Variants in HEATR5B observed in about 807,000 individuals in gnomAD.
HEATR5B encodes the protein HEAT repeat-containing protein 5B.
HEATR5B carries 156 observed loss-of-function variants against 224.1 expected under a neutral mutation model. The ratio of observed to expected loss-of-function variants is 0.70; its 90% CI spans 0.61 to 0.80. The LOEUF (loss-of-function observed/expected upper bound fraction) is 0.80, where lower values mean the gene tolerates loss of function less well. Among genes scored for constraint, HEATR5B ranks in the 30% least tolerant of loss-of-function variants. HEATR5B has a pLI of 0.00. For synonymous variants in HEATR5B, 1,027 were observed against 893.0 expected (o/e 1.15, Z -2.68); for missense variants, 2,323 against 2,535.5 (o/e 0.92, Z 1.80).
At position 37,005,505 on chromosome 2, in the gene HEATR5B, G is replaced by T. The variant is rs1285753853; in HGVS notation, c.4905+127C>A. The T allele has an allele frequency of 1.7e-5, 14 of 815,436 alleles. 1 individual carries two copies. In the South Asian group the frequency reaches 2.3e-4, roughly 14 times the overall value. The allele number at this position is 815,436 out of a possible 1,614,324, so 50.5% of individuals were successfully genotyped here. A position where few individuals can be genotyped will look rare whatever the true frequency, so the allele number is the denominator to read the frequency against. On this transcript the variant is annotated intron_variant, in intron 30 of 35. Coordinates refer to ENST00000233099, the MANE Select transcript of HEATR5B (RefSeq NM_019024.3). Reference sequence around the variant, plus strand: ...AAAGTAACTGGGTGAATAAATACAGGGAGTCAGTGTATTCATATCATGTTA... The same window carrying T: ...AAAGTAACTGGGTGAATAAATACAGTGAGTCAGTGTATTCATATCATGTTA...
chr2:37,000,575 T>C lies in HEATR5B; in HGVS notation c.5545+11A>G, dbSNP rs757311681. 1 of 1,610,560 alleles carries C rather than the reference T, an allele frequency of 6.2e-7. No individual in the cohort carries two copies. Among genetic ancestry groups the C allele is most frequent in the Non-Finnish European group, 8.5e-7 (1 of 1,176,788 alleles). ...CCTAACTAACTAAAACGTTTAAAAC[T>C]GATAGGTTACCTGGTTGAGAATATT... On this transcript the variant is annotated intron_variant, in intron 33 of 35. Coordinates refer to ENST00000233099, the MANE Select transcript of HEATR5B (RefSeq NM_019024.3).
intron 18 of HEATR5B, among the ~76,000 whole-genome samples, chr2:37,045,124 C>T (rs1242562111): frequency 6.6e-6 from 1 of 152,106 alleles, no homozygotes; most frequent in Non-Finnish European, 1.5e-5. Flanking sequence ...CCTGTACTTC[C>T]TTGAAAATGT....
intron 19 of HEATR5B, 48 bp from the exon 20 acceptor site, chr2:37,040,566 G>T: frequency 7.2e-7 from 1 of 1,394,732 alleles, no homozygotes; most frequent in Non-Finnish European, 9.9e-7. Flanking sequence ...GAATTCGAAT[G>T]TACTGAATTG....
chr2:37,009,094 C>A (rs1039666805), intron 27 of HEATR5B, among the ~76,000 whole-genome samples: 1 of 151,360 alleles, frequency 6.6e-6, no homozygotes, highest in African/African-American at 2.4e-5. Context: ...CCTGTCTCTA[C>A]GAAAAATACA....
In HEATR5B at chr2:37,028,164, A is replaced by C. The variant is rs762243284; in HGVS notation, c.3612T>G (p.Thr1204=). 10 of 1,602,544 alleles carry C rather than the reference A, an allele frequency of 6.2e-6. No individual in the cohort carries two copies. The highest frequency in any genetic ancestry group is 8.5e-6 in the Non-Finnish European group (10 of 1,169,844). Residue 1204 remains threonine, a synonymous_variant, in exon 24 of 36, where the codon ACT becomes ACG. Transcript: ENST00000233099. ...CTTTTCCACTACTTAAGAGAGTTGC[A>C]GTACTCATATCTATAACAAGAATAA... ...DVLAASSDMS[T]ATLLSSGKDE...
chr2:37,028,206 C>A (rs1484845576), intron 23 of HEATR5B, 32 bp from the exon 24 acceptor site: 3 of 1,413,362 alleles, frequency 2.1e-6, no homozygotes, highest in South Asian at 1.5e-5. Context: ...TTGTAACAAT[C>A]TCACATAAGC....
At chr2:37,055,101 G>T in intron 16 of HEATR5B, 1 of 413,518 alleles carries the variant, frequency 2.4e-6, no homozygotes, top group East Asian at 8.5e-5. Flanking sequence ...ACTAAGAACA[G>T]CAGTAAATAT....
chr2:36,987,044 C>T (rs1292075199), intron 35 of HEATR5B, among the ~76,000 whole-genome samples: 3 of 152,128 alleles, frequency 2.0e-5, no homozygotes, highest in East Asian at 3.9e-4. Flanking sequence ...TGAGCCACTG[C>T]GCCTGGCCAA....
chr2:37,083,990 C>A (rs1437702773), intron 1 of HEATR5B, among the ~76,000 whole-genome samples: 1 of 152,180 alleles, frequency 6.6e-6, no homozygotes, highest in Non-Finnish European at 1.5e-5. Context: ...ACCAGGCGGT[C>A]CGGAATGCAC....
chr2:36,988,271 C>CT (rs1304666993), intron 35 of HEATR5B, among the ~76,000 whole-genome samples: 47 of 146,910 alleles, frequency 3.2e-4, no homozygotes, highest in South Asian at 6.6e-4. Flanking sequence ...TTTTTCTTTT[C>CT]TTTTTTTTTT....
At position 37,019,849 on chromosome 2, in the gene HEATR5B, G is replaced by A. The variant is rs1013757844; in HGVS notation, c.4064C>T (p.Ser1355Leu). Reference protein sequence around the residue: ...NVGAALRPAFSQDTPSDIIAK... With the variant: ...NVGAALRPAFLQDTPSDIIAK... The stretch of plus-strand genomic sequence containing the variant: ...TATTATATCTGATGGTGTATCTTGT[G>A]AAAAGGCTGGTCTTAGAGCAGCTCC... Residue 1355 changes from serine to leucine, a missense_variant, in exon 26 of 36, where the codon TCA becomes TTA. Physicochemically the swap from Ser to Leu is moderately radical, Grantham distance 145. Transcript: ENST00000233099. 3 of 1,610,256 alleles carry A rather than the reference G, an allele frequency of 1.9e-6. No homozygotes were observed. Among genetic ancestry groups the A allele is most frequent in the Non-Finnish European group, 1.7e-6 (2 of 1,178,350 alleles).
intron 15 of HEATR5B, among the ~76,000 whole-genome samples, chr2:37,056,907 T>G (rs1387892657): frequency 2.0e-5 from 3 of 152,230 alleles, no homozygotes; most frequent in African/African-American, 4.8e-5. Flanking sequence ...TTATTTTAAA[T>G]GGGGCTTTAA....
At chr2:37,040,897 A>G (rs1669831041) in intron 19 of HEATR5B, 1 of 486,116 alleles carries the variant, frequency 2.1e-6, no homozygotes, top group Non-Finnish European at 3.6e-6. Flanking sequence ...ACACAGAATA[A>G]TACACAATAA....
chr2:37,007,491 G>A (rs554984399), intron 28 of HEATR5B, among the ~76,000 whole-genome samples, 187 bp from the exon 29 acceptor site: 1 of 151,836 alleles, frequency 6.6e-6, no homozygotes, highest in Non-Finnish European at 1.5e-5. Context: ...CTACAGACAT[G>A]CGCCGCAATG....
In HEATR5B at chr2:37,059,464, A is replaced by ATTTTT. The variant is rs35615621; in HGVS notation, c.1850-482_1850-478dup. On this transcript the variant is annotated intron_variant, in intron 12 of 35. Coordinates refer to ENST00000233099, the MANE Select transcript of HEATR5B (RefSeq NM_019024.3). ...TGTGTGTGTATATATATATATATAT[A>ATTTTT]TTTTTTTTTTTTTTTTTTTGAGAGA... Among the ~76,000 whole-genome samples the ATTTTT allele has an allele frequency of 8.2e-4, 54 of 65,812 alleles. 3 individuals carry two copies. Among genetic ancestry groups the ATTTTT allele is most frequent in the African/African-American group, 2.1e-3 (40 of 19,122 alleles). 43.2% of individuals were successfully genotyped at this position (65,812 alleles called of 152,430 possible). A position where few individuals can be genotyped will look rare whatever the true frequency, so the allele number is the denominator to read the frequency against.
At chr2:37,036,068 TACTA>T (rs1205646805) in intron 21 of HEATR5B, among the ~76,000 whole-genome samples, 4 of 152,210 alleles carry the variant, frequency 2.6e-5, no homozygotes, top group Non-Finnish European at 4.4e-5. Context: ...CCCATTCTCT[TACTA>T]ACTTAGAGCA....
rs1168347754 is a variant in HEATR5B at position 37,064,279 on chromosome 2, GTTTTTTT to G, written c.1584+454_1584+460del. ...AAATAATTACTATATCTAAGGTTGGGTTTTTTTTTTTTTTTTTTTTTGAGACAGGGTA... is the reference window on the plus strand; with the variant it reads ...AAATAATTACTATATCTAAGGTTGGGTTTTTTTTTTTTTTGAGACAGGGTA... On this transcript the variant is annotated intron_variant, in intron 10 of 35. Transcript: ENST00000233099. Among the ~76,000 whole-genome samples the G allele has an allele frequency of 2.2e-3, 283 of 127,142 alleles. 1 individual carries two copies. Among genetic ancestry groups the G allele is most frequent in the African/African-American group, 7.9e-3 (275 of 34,714 alleles). The allele number at this position is 127,142 out of a possible 152,430, so 83.4% of individuals were successfully genotyped here.
intron 35 of HEATR5B, among the ~76,000 whole-genome samples, chr2:36,984,200 C>CAA (rs1208435239): frequency 0.01 from 290 of 28,956 alleles, 25 homozygotes; most frequent in Non-Finnish European, 0.014. Context: ...AACTCTGTCT[C>CAA]AAAAAAAAAA....
intron 17 of HEATR5B, among the ~76,000 whole-genome samples, chr2:37,052,151 C>T (rs1229783544): frequency 6.6e-6 from 1 of 152,146 alleles, no homozygotes; most frequent in East Asian, 1.9e-4. Flanking sequence ...ATATTTGCTA[C>T]CATTTTATTT....
Sources: gnomAD v4.1 joint callset for allele counts (sites outside exome capture counted in the v4.1 genomes callset) on GRCh38, gnomAD v4.1.1 for gene constraint, MANE v1.5 for transcripts, NCBI Gene and HGNC (gene_info 2026-07-23, HGNC 2026-07-21) for gene names.